Variants in TEAD1 observed in about 807,000 individuals in gnomAD.
The protein encoded by TEAD1 is TEA domain transcription factor 1, also known as transcriptional enhancer factor TEF-1.
TEAD1 carries 9 observed loss-of-function variants against 54.9 expected under a neutral mutation model. That is an observed-to-expected ratio of 0.16 (90% confidence interval 0.10 to 0.29). The LOEUF (loss-of-function observed/expected upper bound fraction) is 0.29, where lower values mean the gene tolerates loss of function less well. TEAD1 is among the 10% of genes least tolerant of loss of function. The pLI, the probability that TEAD1 is intolerant of heterozygous loss-of-function variation, is 1.00. For synonymous variants in TEAD1, 200 were observed against 187.8 expected (o/e 1.07, Z -0.53); for missense variants, 387 against 535.9 (o/e 0.72, Z 2.74).
At chr11:12,680,043 AAGAG>A (rs1943183573) in intron 2 of TEAD1, among the ~76,000 whole-genome samples, 1 of 101,266 alleles carries the variant, frequency 9.9e-6, no homozygotes, top group Non-Finnish European at 1.9e-5. Context: ...GGAGTCTTCT[AAGAG>A]AGAAATACGC....
At chr11:12,851,159 A>C in intron 3 of TEAD1, 47 of 890,576 alleles carry the variant, frequency 5.3e-5, no homozygotes, top group Non-Finnish European at 5.8e-5. Context: ...TCATGATCTC[A>C]CTTATACGTG....
At chr11:12,840,852 C>T (rs1335854752) in intron 3 of TEAD1, among the ~76,000 whole-genome samples, 2 of 152,206 alleles carry the variant, frequency 1.3e-5, no homozygotes, top group African/African-American at 2.4e-5. Flanking sequence ...GATTGCTCTC[C>T]ATTGGTAGTA....
At chr11:12,931,615 T>A (rs901626592) in intron 12 of TEAD1, among the ~76,000 whole-genome samples, 4 of 152,182 alleles carry the variant, frequency 2.6e-5, no homozygotes, top group Non-Finnish European at 5.9e-5. Flanking sequence ...TGTTTCCCAG[T>A]TTCCCAAAAC....
Position 12,903,649 on chromosome 11 carries a change from C to T in TEAD1, c.873+1536C>T, listed in dbSNP as rs1196260100. On this transcript the variant is annotated intron_variant, in intron 10 of 12. Transcript: ENST00000527636. ...GGGCCAAATAGTGAAACCCTGTCTA[C>T]GAAAAATACAAAATTAGTCAGGCGT... Among the ~76,000 whole-genome samples the T allele has an allele frequency of 4.6e-5, 7 of 152,042 alleles. No homozygotes were observed. In the East Asian group the frequency reaches 1.4e-3, roughly 29 times the overall value.
chr11:12,874,346 T>G (rs1258432837), intron 5 of TEAD1, among the ~76,000 whole-genome samples: 2 of 152,142 alleles, frequency 1.3e-5, no homozygotes, highest in Non-Finnish European at 2.9e-5. Context: ...GAGATGTCCT[T>G]GAGTTTTAAG....
intron 3 of TEAD1, among the ~76,000 whole-genome samples, chr11:12,840,912 T>G (rs1947025328): frequency 6.6e-6 from 1 of 152,212 alleles, no homozygotes; most frequent in East Asian, 1.9e-4. Context: ...GCCCTCCCTG[T>G]CCTTCAGCTG....
chr11:12,823,039 T>C (rs1946583604), intron 3 of TEAD1, among the ~76,000 whole-genome samples: 1 of 152,246 alleles, frequency 6.6e-6, no homozygotes, highest in South Asian at 2.1e-4. Flanking sequence ...TTTTGTTTTT[T>C]ACATATGTCA....
intron 3 of TEAD1, among the ~76,000 whole-genome samples, chr11:12,832,930 G>A (rs1164937706): frequency 6.6e-6 from 1 of 152,126 alleles, no homozygotes; most frequent in Non-Finnish European, 1.5e-5. Flanking sequence ...TTCCTCAGGG[G>A]ACCACTAATA....
At position 12,719,989 on chromosome 11, in the gene TEAD1, TTTTTTG is replaced by T. The variant is rs1944158286; in HGVS notation, c.-54-44189_-54-44184del. On this transcript the variant is annotated intron_variant, in intron 2 of 12. Transcript: ENST00000527636. ...TTTTTTTTTTTTTTTTTTTTTTTTTTTTTTTGGGGGGGGACCCAGCCATGCTGTGTC... is the reference window on the plus strand; with the variant it reads ...TTTTTTTTTTTTTTTTTTTTTTTTTTGGGGGGGACCCAGCCATGCTGTGTC... Among the ~76,000 whole-genome samples, 10 of 53,964 alleles carry T rather than the reference TTTTTTG, an allele frequency of 1.9e-4. 3 individuals are homozygous for T. Among genetic ancestry groups the T allele is most frequent in the South Asian group, 1.6e-3 (3 of 1,848 alleles). 35.4% of individuals were successfully genotyped at this position (53,964 alleles called of 152,430 possible).
chr11:12,718,370 T>C (rs1279048661), intron 2 of TEAD1, among the ~76,000 whole-genome samples: 1 of 152,142 alleles, frequency 6.6e-6, no homozygotes, highest in African/African-American at 2.4e-5. Context: ...CTTGGGGGCA[T>C]GACAAGATAA....
chr11:12,902,456 C>G (rs1000219972), intron 10 of TEAD1, among the ~76,000 whole-genome samples: 1 of 152,238 alleles, frequency 6.6e-6, no homozygotes, highest in Non-Finnish European at 1.5e-5. Context: ...TTGCTTTGCC[C>G]AGTGTATACT....
chr11:12,881,995 C>T (rs756811345), intron 8 of TEAD1, 38 bp downstream of exon 8: 13 of 1,605,956 alleles, frequency 8.1e-6, no homozygotes, highest in Admixed American at 3.3e-5. Context: ...GAGCACAGCC[C>T]CACACAGCTG....
chr11:12,752,422 G>C (rs1944894430), intron 2 of TEAD1, among the ~76,000 whole-genome samples: 2 of 152,012 alleles, frequency 1.3e-5, no homozygotes, highest in Admixed American at 1.3e-4. Flanking sequence ...CTGCCTTCCA[G>C]TCAGTACTCC....
intron 9 of TEAD1, among the ~76,000 whole-genome samples, chr11:12,889,786 A>G (rs1589962915): frequency 6.6e-6 from 1 of 152,156 alleles, no homozygotes. Flanking sequence ...TAGTGGCACA[A>G]TCACAGCTGA....
chr11:12,825,904 A>C (rs1388923772), intron 3 of TEAD1, among the ~76,000 whole-genome samples: 3 of 152,246 alleles, frequency 2.0e-5, no homozygotes, highest in Non-Finnish European at 2.9e-5. Context: ...TACCAAAGCA[A>C]TTCAAAAGCA....
intron 2 of TEAD1, among the ~76,000 whole-genome samples, chr11:12,684,978 A>G (rs1057032352): frequency 1.3e-5 from 2 of 152,182 alleles, no homozygotes; most frequent in Non-Finnish European, 2.9e-5. Flanking sequence ...AGCTGGTGAT[A>G]GAACCTTGTG....
At chr11:12,732,528 T>TGA (rs1485291748) in intron 2 of TEAD1, among the ~76,000 whole-genome samples, 1 of 152,012 alleles carries the variant, frequency 6.6e-6, no homozygotes. Context: ...GAGCTTCCAG[T>TGA]GAGGAGGAAG....
intron 3 of TEAD1, among the ~76,000 whole-genome samples, chr11:12,824,006 G>A (rs75745483): frequency 1.9e-3 from 296 of 152,168 alleles, no homozygotes; most frequent in South Asian, 4.6e-3. Context: ...TCACTTCTCC[G>A]AGACACCAGA....
At chr11:12,692,431 A>G (rs1943478541) in intron 2 of TEAD1, among the ~76,000 whole-genome samples, 1 of 152,170 alleles carries the variant, frequency 6.6e-6, no homozygotes, top group Non-Finnish European at 1.5e-5. Context: ...ATCATTCTCC[A>G]CACCACTGAG....
Sources: allele counts gnomAD v4.1 joint callset (sites outside exome capture counted in the v4.1 genomes callset), GRCh38; gene constraint gnomAD v4.1.1; transcripts MANE v1.5; gene names NCBI Gene and HGNC (gene_info 2026-07-23, HGNC 2026-07-21).